The following SCUBE3 variants were observed in gnomAD, a reference collection of about 807,000 sequenced individuals.
SCUBE3 encodes signal peptide, CUB and EGF-like domain-containing protein 3.
Under a neutral mutation model 116.8 loss-of-function variants are expected in SCUBE3, and 33 were observed. The ratio of observed to expected loss-of-function variants is 0.28; its 90% CI spans 0.21 to 0.38. The LOEUF is 0.38. SCUBE3 is among the 10% of genes least tolerant of loss of function. SCUBE3 has a pLI of 1.00. For synonymous variants in SCUBE3, 418 were observed against 496.9 expected (o/e 0.84, Z 2.11); for missense variants, 1,007 against 1,324.8 (o/e 0.76, Z 3.72).
Position 35,215,826 on chromosome 6 carries a change from C to A in SCUBE3, c.85+1323C>A, listed in dbSNP as rs1190039660. ...ATCCTCAGCTGTCAAATACTGGACC[C>A]TGCCCCCACACCTTCCAGCCCCACA... On this transcript the variant is annotated intron_variant, in intron 1 of 21. Transcript: ENST00000274938. Among the ~76,000 whole-genome samples the A allele has an allele frequency of 2.6e-5, 4 of 152,322 alleles. No homozygotes were observed. In the South Asian group the frequency reaches 6.2e-4, roughly 24 times the overall value.
rs768464209 is a variant in SCUBE3 at position 35,245,969 on chromosome 6, T to C, written c.2625T>C (p.Tyr875=). The change falls in exon 20 of 22, where the codon TAT becomes TAC. Residue 875 remains tyrosine (Y), a synonymous_variant. Coordinates refer to ENST00000274938, the MANE Select transcript of SCUBE3 (RefSeq NM_152753.4). This position sits in a 1 kb window ranked among gnomAD's most constrained non-coding sequence, Gnocchi z 4.2. ...CATCCCCATCCTCCATTACCACTTA[T>C]GAGACCTGCCAGACCTACGAGCGTC... ...KNSSPSSITT[Y]ETCQTYERPI... is the part of the protein sequence containing the mutation. 5.0e-6 allele frequency: 8 copies of C among 1,614,082 alleles called. No individual in the cohort carries two copies. Among genetic ancestry groups the C allele is most frequent in the Middle Eastern group, 1.6e-4 (1 of 6,084 alleles).
intron 1 of SCUBE3, among the ~76,000 whole-genome samples, chr6:35,217,263 G>GT (rs1562039812): frequency 5.9e-5 from 6 of 101,494 alleles, no homozygotes; most frequent in African/African-American, 2.8e-4. Context: ...CGGGGGGGGG[G>GT]GTGTGTGCAG....
intron 13 of SCUBE3, 49 bp from the exon 14 acceptor site, chr6:35,242,573 G>T: frequency 6.4e-7 from 1 of 1,565,466 alleles, no homozygotes; most frequent in South Asian, 1.1e-5. Context: ...GGCTGGGAGT[G>T]AGAACTTTCC....
Position 35,243,881 on chromosome 6 carries a change from C to G in SCUBE3, c.2072-82C>G. On this transcript the variant is annotated intron_variant, in intron 16 of 21. Transcript: ENST00000274938. The surrounding 1 kb of genome is among the most constrained non-coding windows in gnomAD (Gnocchi z 6.6). ...TCTTAGTCAACATCCTGTTTGTATA[C>G]CTTTGTCCCCTGAGATCGGGTGACC... The G allele has an allele frequency of 6.5e-7, 1 of 1,534,250 alleles. No homozygotes were observed. The highest frequency in any genetic ancestry group is 1.2e-5 in the South Asian group (1 of 83,882).
In SCUBE3 at chr6:35,241,791, G is replaced by C. The variant is rs543916600; in HGVS notation, c.1313-15G>C. On this transcript the variant is annotated splice_polypyrimidine_tract_variant and intron_variant, in intron 11 of 21. Coordinates refer to ENST00000274938, the MANE Select transcript of SCUBE3 (RefSeq NM_152753.4). This position sits in a 1 kb window ranked among gnomAD's most constrained non-coding sequence, Gnocchi z 4.1. ...GGGAAGGCAGGTCAGAACTGTGACA[G>C]GCTCCTTTTCTCAGAGTCTGAGAAT... 5 of 1,603,280 alleles carry C rather than the reference G, an allele frequency of 3.1e-6. No individual in the cohort carries two copies. The South Asian group carries it at 5.5e-5, about 18-fold the overall frequency.
chr6:35,223,845 G>A (rs1403620304), intron 1 of SCUBE3: 5 of 152,220 alleles, frequency 3.3e-5, no homozygotes, highest in Admixed American at 2.6e-4. Flanking sequence ...GGTATAATTT[G>A]GGGCCCTCTT....
chr6:35,215,556 G>A (rs1283554897), intron 1 of SCUBE3, among the ~76,000 whole-genome samples: 4 of 152,232 alleles, frequency 2.6e-5, no homozygotes, highest in Non-Finnish European at 4.4e-5. Context: ...AGCTGGGTGA[G>A]GAGATGGCTG....
chr6:35,248,014 G>C (rs1421676691), intron 21 of SCUBE3, among the ~76,000 whole-genome samples: 1 of 152,238 alleles, frequency 6.6e-6, no homozygotes, highest in Non-Finnish European at 1.5e-5. Context: ...GCTCAGCAGA[G>C]GGAGCAAGAG....
chr6:35,252,519 C>T lies in SCUBE3; in HGVS notation c.*3814C>T, dbSNP rs1326511730. On this transcript the variant is annotated 3_prime_UTR_variant, in exon 22 of 22. Coordinates refer to ENST00000274938, the MANE Select transcript of SCUBE3 (RefSeq NM_152753.4). ...TCGAACTTTTGTATTTGCTGCTTAA[C>T]CTCAATATTACAGCCACAAACAAGG... The T allele has an allele frequency of 6.6e-6, 1 of 152,184 alleles. No homozygotes were observed. Among genetic ancestry groups the T allele is most frequent in the Non-Finnish European group, 1.5e-5 (1 of 68,032 alleles). 9.4% of individuals were successfully genotyped at this position (152,184 alleles called of 1,614,324 possible).
chr6:35,227,833 G>A, intron 2 of SCUBE3, 131 bp downstream of exon 2: 2 of 941,672 alleles, frequency 2.1e-6, no homozygotes, highest in East Asian at 2.6e-5. Flanking sequence ...GGGGGGTGGT[G>A]AGGGGGGCAA....
chr6:35,224,648 A>C (rs1783253498), intron 1 of SCUBE3: 1 of 152,084 alleles, frequency 6.6e-6, no homozygotes, highest in Non-Finnish European at 1.5e-5. Context: ...AAAAAAAAAA[A>C]AAAAAAAAGA....
At position 35,252,540 on chromosome 6, in the gene SCUBE3, CAA is replaced by C. The variant is rs1784589971; in HGVS notation, c.*3836_*3837del. ...TTAACCTCAATATTACAGCCACAAACAAGGGGTACCAAGACAAAGTATAACTG... is the reference window on the plus strand; with the variant it reads ...TTAACCTCAATATTACAGCCACAAACGGGGTACCAAGACAAAGTATAACTG... On this transcript the variant is annotated 3_prime_UTR_variant, in exon 22 of 22. Coordinates refer to ENST00000274938, the MANE Select transcript of SCUBE3 (RefSeq NM_152753.4). The C allele has an allele frequency of 6.6e-6, 1 of 152,202 alleles. No individual in the cohort carries two copies. The highest frequency in any genetic ancestry group is 1.5e-5 in the Non-Finnish European group (1 of 68,036). 9.4% of individuals were successfully genotyped at this position (152,202 alleles called of 1,614,324 possible).
chr6:35,248,778 C>A lies in SCUBE3; in HGVS notation c.*73C>A, dbSNP rs935555681. On this transcript the variant is annotated 3_prime_UTR_variant, in exon 22 of 22. Transcript: ENST00000274938. ...GCCCTCAGAGCCGGCAGCCCCCTAC[C>A]CTCAGACAAGGAACTCTCTCCTCTC... 17 of 1,255,426 alleles carry A rather than the reference C, an allele frequency of 1.4e-5. No individual in the cohort carries two copies. The highest frequency in any genetic ancestry group is 1.8e-5 in the Non-Finnish European group (16 of 885,964). 77.8% of individuals were successfully genotyped at this position (1,255,426 alleles called of 1,614,324 possible). A position where few individuals can be genotyped will look rare whatever the true frequency, so the allele number is the denominator to read the frequency against.
At chr6:35,238,054 T>C (rs1159554541) in intron 7 of SCUBE3, 36 bp downstream of exon 7, 2 of 1,283,478 alleles carry the variant, frequency 1.6e-6, no homozygotes, top group African/African-American at 1.5e-5. Context: ...AGAGTGACCT[T>C]TGGTAAGGGG....
Position 35,244,516 on chromosome 6 carries a change from A to G in SCUBE3, c.2240-134A>G. 1.3e-6 allele frequency: 1 copy of G among 771,608 alleles called. No individual in the cohort carries two copies. Among genetic ancestry groups the G allele is most frequent in the Non-Finnish European group, 2.2e-6 (1 of 461,068 alleles). 47.8% of individuals were successfully genotyped at this position (771,608 alleles called of 1,614,324 possible). A position where few individuals can be genotyped will look rare whatever the true frequency, so the allele number is the denominator to read the frequency against. On this transcript the variant is annotated intron_variant, in intron 17 of 21. Coordinates refer to ENST00000274938, the MANE Select transcript of SCUBE3 (RefSeq NM_152753.4). This position sits in a 1 kb window ranked among gnomAD's most constrained non-coding sequence, Gnocchi z 4.3. The stretch of plus-strand genomic sequence containing the variant: ...TTAAATTCTGGCATGACTGGGAAAG[A>G]TTGAGACCCTAGAAAAGAACTTTGA...
chr6:35,223,628 C>T (rs1156941140), intron 1 of SCUBE3: 1 of 152,182 alleles, frequency 6.6e-6, no homozygotes, highest in Non-Finnish European at 1.5e-5. Context: ...TGTGTAGCCC[C>T]AGGGTTGAGA....
At position 35,216,629 on chromosome 6, in the gene SCUBE3, A is replaced by AT. The variant is rs561250834; in HGVS notation, c.85+2127dup. Among the ~76,000 whole-genome samples, 711 of 152,286 alleles carry AT rather than the reference A, an allele frequency of 4.7e-3. 5 individuals are homozygous for AT. Among genetic ancestry groups the AT allele is most frequent in the Non-Finnish European group, 7.8e-3 (530 of 68,014 alleles). On this transcript the variant is annotated intron_variant, in intron 1 of 21. Coordinates refer to ENST00000274938, the MANE Select transcript of SCUBE3 (RefSeq NM_152753.4). ...GCGGGGCAACCTTACAGCCTTACCC[A>AT]TAGACACAGTCTGTGAGCATCAGGG...
chr6:35,236,277 T>C (rs1354441075), intron 6 of SCUBE3, among the ~76,000 whole-genome samples: 1 of 152,166 alleles, frequency 6.6e-6, no homozygotes, highest in Non-Finnish European at 1.5e-5. Context: ...AAGAATGCCG[T>C]CCTGCACAGG....
chr6:35,248,381 C>T (rs1398629046), intron 21 of SCUBE3, among the ~76,000 whole-genome samples, 175 bp from the exon 22 acceptor site: 1 of 152,142 alleles, frequency 6.6e-6, no homozygotes, highest in Non-Finnish European at 1.5e-5. Flanking sequence ...GCCACTGATT[C>T]AGTTGTGGAA....
Sources: allele counts gnomAD v4.1 joint callset (sites outside exome capture counted in the v4.1 genomes callset), GRCh38; gene constraint gnomAD v4.1.1; non-coding constraint Gnocchi (gnomAD v3.1); transcripts MANE v1.5; gene names NCBI Gene and HGNC (gene_info 2026-07-23, HGNC 2026-07-21).